RNF217: variants seen among roughly 807,000 people sequenced by gnomAD.
The protein encoded by RNF217 is E3 ubiquitin-protein ligase RNF217.
In RNF217, 31 loss-of-function variants were observed where a neutral mutation model predicts 57.8. The ratio of observed to expected loss-of-function variants is 0.54; its 90% CI spans 0.40 to 0.72. The LOEUF (loss-of-function observed/expected upper bound fraction) is 0.72, where lower values mean the gene tolerates loss of function less well. Ranked by LOEUF, RNF217 falls within the 30% of genes least tolerant of loss-of-function variation. The pLI, the probability that RNF217 is intolerant of heterozygous loss-of-function variation, is 0.00. For missense variants in RNF217, 696 were observed against 708.3 expected (o/e 0.98, Z 0.20); for synonymous variants, 313 against 294.0 (o/e 1.06, Z -0.66).
intron 2 of RNF217, among the ~76,000 whole-genome samples, chr6:125,052,366 G>A (rs916370361): frequency 3.5e-4 from 53 of 149,336 alleles, no homozygotes; most frequent in Non-Finnish European, 1.2e-4. Context: ...GTCTGCTGTT[G>A]GTCCTCAGCC....
intron 2 of RNF217, chr6:125,048,090 C>T (rs1266080984): frequency 1.4e-6 from 1 of 694,290 alleles, no homozygotes; most frequent in Non-Finnish European, 2.1e-6. Flanking sequence ...TCATTAAACT[C>T]TGTGGTTTAT....
intron 1 of RNF217, among the ~76,000 whole-genome samples, chr6:125,002,440 C>T (rs573050162): frequency 1.2e-4 from 18 of 149,938 alleles, no homozygotes; most frequent in South Asian, 4.1e-4. Flanking sequence ...GCCCCCTGCA[C>T]GCCCCTATCC....
intron 3 of RNF217, among the ~76,000 whole-genome samples, chr6:125,064,561 C>G (rs954393455): frequency 6.6e-6 from 1 of 151,906 alleles, no homozygotes; most frequent in Non-Finnish European, 1.5e-5. Flanking sequence ...CATATTTTAA[C>G]ATGTAAATAC....
At chr6:125,004,941 T>C (rs532181930) in intron 1 of RNF217, among the ~76,000 whole-genome samples, 4 of 152,266 alleles carry the variant, frequency 2.6e-5, no homozygotes, top group African/African-American at 9.6e-5. Flanking sequence ...TGATTTGGCT[T>C]ATGGTTCTGG....
intron 1 of RNF217, among the ~76,000 whole-genome samples, chr6:125,026,909 T>C (rs1236061854): frequency 6.6e-6 from 1 of 152,136 alleles, no homozygotes; most frequent in Non-Finnish European, 1.5e-5. Flanking sequence ...TAATTGTGTT[T>C]TGGATACAGT....
chr6:125,072,639 A>G (rs531482381), intron 3 of RNF217, among the ~76,000 whole-genome samples: 2 of 152,338 alleles, frequency 1.3e-5, no homozygotes, highest in South Asian at 2.1e-4. Flanking sequence ...TATGTGAAAT[A>G]TGAGGCAAAA....
chr6:125,066,961 TGATAAACACTATTGCACTTCA>T (rs1241613310), intron 3 of RNF217, among the ~76,000 whole-genome samples: 1 of 150,938 alleles, frequency 6.6e-6, no homozygotes, highest in Non-Finnish European at 1.5e-5. Flanking sequence ...AGACTGACAA[TGATAAACACTATTGCACTTCA>T]GTGGAATGTT....
chr6:125,033,986 A>G (rs1786485752), intron 1 of RNF217, among the ~76,000 whole-genome samples: 1 of 151,956 alleles, frequency 6.6e-6, no homozygotes, highest in African/African-American at 2.4e-5. Flanking sequence ...GGCTGCATAA[A>G]TGTCTTCTTT....
intron 3 of RNF217, among the ~76,000 whole-genome samples, chr6:125,075,837 A>G (rs1213247675): frequency 2.0e-5 from 3 of 152,090 alleles, no homozygotes; most frequent in Non-Finnish European, 4.4e-5. Flanking sequence ...TTCCAATTTT[A>G]TCGCAAAGAG....
chr6:125,042,566 G>T (rs1786924380), intron 1 of RNF217, among the ~76,000 whole-genome samples: 1 of 152,060 alleles, frequency 6.6e-6, no homozygotes, highest in South Asian at 2.1e-4. Flanking sequence ...ATGAAAGCAA[G>T]AGGAAGTAAT....
At chr6:124,985,976 G>A (rs1168328991) in intron 1 of RNF217, among the ~76,000 whole-genome samples, 1 of 152,094 alleles carries the variant, frequency 6.6e-6, no homozygotes, top group African/African-American at 2.4e-5. Flanking sequence ...TTCATGTGTT[G>A]AAACTCAGCC....
intron 3 of RNF217, among the ~76,000 whole-genome samples, chr6:125,063,527 T>C (rs1243501943): frequency 6.6e-6 from 1 of 152,166 alleles, no homozygotes; most frequent in Non-Finnish European, 1.5e-5. Context: ...TGTACTGACA[T>C]TTATTGCATG....
chr6:125,056,779 A>G (rs1308660857), intron 2 of RNF217, among the ~76,000 whole-genome samples: 1 of 152,198 alleles, frequency 6.6e-6, no homozygotes, highest in Non-Finnish European at 1.5e-5. Flanking sequence ...ATCCATTGTA[A>G]TCACATGGGG....
At chr6:124,971,803 A>G (rs1204838156) in intron 1 of RNF217, among the ~76,000 whole-genome samples, 1 of 152,140 alleles carries the variant, frequency 6.6e-6, no homozygotes, top group African/African-American at 2.4e-5. Context: ...TTTCTTCCTA[A>G]GTTTCTGGTC....
intron 1 of RNF217, among the ~76,000 whole-genome samples, chr6:125,033,973 T>G (rs1454541305): frequency 2.0e-5 from 3 of 151,904 alleles, no homozygotes; most frequent in African/African-American, 7.3e-5. Context: ...TCATGTGTCT[T>G]TTGGCTGCAT....
At chr6:125,075,612 G>C (rs1473507189) in intron 3 of RNF217, among the ~76,000 whole-genome samples, 1 of 152,110 alleles carries the variant, frequency 6.6e-6, no homozygotes, top group Non-Finnish European at 1.5e-5. Flanking sequence ...CCCTGCCCTT[G>C]ACACGTGGGG....
chr6:125,064,493 C>G (rs1012709539), intron 3 of RNF217, among the ~76,000 whole-genome samples: 2 of 151,944 alleles, frequency 1.3e-5, no homozygotes, highest in African/African-American at 2.4e-5. Flanking sequence ...TTTTAAAAAT[C>G]AATATGTTGT....
chr6:125,081,162 A>G (rs573769196), intron 4 of RNF217, among the ~76,000 whole-genome samples: 1 of 152,242 alleles, frequency 6.6e-6, no homozygotes, highest in South Asian at 2.1e-4. Context: ...CTGGTAGAAT[A>G]CAGTAAGCCA....
chr6:124,969,184 T>C (rs1324464162), intron 1 of RNF217, among the ~76,000 whole-genome samples: 1 of 152,232 alleles, frequency 6.6e-6, no homozygotes, highest in Non-Finnish European at 1.5e-5. Context: ...AAGTTATAAA[T>C]CTATTACTTA....
Sources: gnomAD v4.1 joint callset for allele counts (sites outside exome capture counted in the v4.1 genomes callset) on GRCh38, gnomAD v4.1.1 for gene constraint, MANE v1.5 for transcripts, NCBI Gene and HGNC (gene_info 2026-07-23, HGNC 2026-07-21) for gene names.